TFAP2D: variants seen among roughly 807,000 people sequenced by gnomAD.
The protein encoded by TFAP2D is transcription factor AP-2 delta, also known as transcription factor AP-2-delta.
Under a neutral mutation model 43.6 loss-of-function variants are expected in TFAP2D, and 9 were observed. The ratio of observed to expected loss-of-function variants is 0.21; its 90% CI spans 0.12 to 0.36. The LOEUF is 0.36. Among genes scored for constraint, TFAP2D ranks in the 10% least tolerant of loss-of-function variants. The pLI is 1.00. For synonymous variants in TFAP2D, 256 were observed against 224.9 expected (o/e 1.14, Z -1.24); for missense variants, 513 against 561.4 (o/e 0.91, Z 0.87).
chr6:50,723,430 G>C (rs1162405318), intron 3 of TFAP2D, among the ~76,000 whole-genome samples: 1 of 152,136 alleles, frequency 6.6e-6, no homozygotes, highest in Non-Finnish European at 1.5e-5. Flanking sequence ...GGAGGAGCGT[G>C]GGAAGCCTTG....
At position 50,714,042 on chromosome 6, in the gene TFAP2D, C is replaced by T. The variant is rs1392133006; in HGVS notation, c.-14C>T. On this transcript the variant is annotated 5_prime_UTR_variant, in exon 1 of 8. Coordinates refer to ENST00000008391, the MANE Select transcript of TFAP2D (RefSeq NM_172238.4). Reference sequence around the variant, plus strand: ...AGGGGGAAATTGCATCGTAAGCTTTCGGAGAAACCCAACATGTCAACTACC... The same window carrying T: ...AGGGGGAAATTGCATCGTAAGCTTTTGGAGAAACCCAACATGTCAACTACC... 9 of 1,609,038 alleles carry T rather than the reference C, an allele frequency of 5.6e-6. No homozygotes were observed. The East Asian group carries it at 2.0e-4, about 36-fold the overall frequency.
intron 3 of TFAP2D, among the ~76,000 whole-genome samples, chr6:50,724,579 G>C (rs7740050): frequency 1.3e-5 from 2 of 152,072 alleles, no homozygotes; most frequent in Non-Finnish European, 2.9e-5. Context: ...GTTCTGAGAC[G>C]GGGGAGGCGC....
chr6:50,719,280 C>G (rs1768677369), intron 3 of TFAP2D, 130 bp downstream of exon 3: 1 of 957,304 alleles, frequency 1.0e-6, no homozygotes, highest in African/African-American at 1.6e-5. Context: ...GTCAATTATT[C>G]TAGTCCAACA....
At chr6:50,772,584 G>T in intron 7 of TFAP2D, 61 bp from the exon 8 acceptor site, 1 of 1,412,420 alleles carries the variant, frequency 7.1e-7, no homozygotes, top group East Asian at 2.3e-5. Context: ...GGAGAGATTT[G>T]CTATTTCACA....
At chr6:50,719,237 CT>C in intron 3 of TFAP2D, 87 bp downstream of exon 3, 1 of 1,347,390 alleles carries the variant, frequency 7.4e-7, no homozygotes, top group Non-Finnish European at 1.0e-6. Context: ...GCTCAGATTC[CT>C]TTTCTGATGA....
At chr6:50,728,755 T>A (rs1009476135) in intron 3 of TFAP2D, 101 bp from the exon 4 acceptor site, 1 of 1,181,994 alleles carries the variant, frequency 8.5e-7, no homozygotes, top group Non-Finnish European at 1.2e-6. Context: ...ACTGTTAGCA[T>A]GTATTCCCAA....
Position 50,722,172 on chromosome 6 carries a change from C to T in TFAP2D, c.598+3022C>T, listed in dbSNP as rs1424060537. The stretch of plus-strand genomic sequence containing the variant: ...CTAGATAAAATATTTGCCACTGCCT[C>T]GGAGGCGCAGCTCCCTGCGTGCTGA... On this transcript the variant is annotated intron_variant, in intron 3 of 7. Coordinates refer to ENST00000008391, the MANE Select transcript of TFAP2D (RefSeq NM_172238.4). Among the ~76,000 whole-genome samples the T allele has an allele frequency of 5.9e-5, 9 of 152,190 alleles. No individual in the cohort carries two copies. In the East Asian group the frequency reaches 1.7e-3, roughly 29 times the overall value.
chr6:50,751,026 G>A (rs548920969), intron 6 of TFAP2D, among the ~76,000 whole-genome samples, 185 bp from the exon 7 acceptor site: 15 of 152,056 alleles, frequency 9.9e-5, no homozygotes, highest in Admixed American at 2.6e-4. Flanking sequence ...TCCTATAGCC[G>A]TTGAGAGCAA....
In TFAP2D at chr6:50,714,073, G is replaced by A; in HGVS notation, c.18G>A (p.Pro6=). 2.5e-6 allele frequency: 4 copies of A among 1,611,598 alleles called. No individual in the cohort carries two copies. Among genetic ancestry groups the A allele is most frequent in the East Asian group, 2.2e-5 (1 of 44,832 alleles). The change falls in exon 1 of 8, where the codon CCG becomes CCA. Residue 6 remains proline (P), a synonymous_variant. Transcript: ENST00000008391. MSTTF[P]GLVHDAEIRH... The stretch of plus-strand genomic sequence containing the variant: ...AACCCAACATGTCAACTACCTTTCC[G>A]GGACTAGTCCACGATGCCGAGGTAT...
At chr6:50,729,913 C>A (rs555350483) in intron 5 of TFAP2D, among the ~76,000 whole-genome samples, 1 of 152,264 alleles carries the variant, frequency 6.6e-6, no homozygotes, top group South Asian at 2.1e-4. Flanking sequence ...TTATTTCCAA[C>A]TTACCTCTTT....
chr6:50,771,274 G>T (rs988121858), intron 7 of TFAP2D, among the ~76,000 whole-genome samples: 1 of 152,140 alleles, frequency 6.6e-6, no homozygotes, highest in Non-Finnish European at 1.5e-5. Flanking sequence ...TTTTGTCCCT[G>T]CCACCTAAGC....
At chr6:50,769,505 G>A (rs2113896597) in intron 7 of TFAP2D, among the ~76,000 whole-genome samples, 1 of 152,312 alleles carries the variant, frequency 6.6e-6, no homozygotes, top group South Asian at 2.1e-4. Flanking sequence ...ACCAGCTTAA[G>A]AGGAATCTTT....
chr6:50,714,590 T>G (rs1476029966), intron 1 of TFAP2D, among the ~76,000 whole-genome samples: 1 of 152,132 alleles, frequency 6.6e-6, no homozygotes, highest in Admixed American at 6.5e-5. Context: ...ACTGGATTTT[T>G]TAAAATATAT....
intron 5 of TFAP2D, among the ~76,000 whole-genome samples, chr6:50,733,542 C>T (rs1388906330): frequency 6.6e-6 from 1 of 152,072 alleles, no homozygotes; most frequent in Non-Finnish European, 1.5e-5. Flanking sequence ...AAACTATTCT[C>T]TCTAGAAAAC....
intron 7 of TFAP2D, among the ~76,000 whole-genome samples, chr6:50,764,788 G>A (rs1265269631): frequency 6.6e-6 from 1 of 151,856 alleles, no homozygotes; most frequent in Non-Finnish European, 1.5e-5. Context: ...GCTTTATTGA[G>A]GTATAATTGA....
intron 7 of TFAP2D, among the ~76,000 whole-genome samples, chr6:50,765,510 C>T (rs1454898278): frequency 6.6e-6 from 1 of 152,186 alleles, no homozygotes; most frequent in Non-Finnish European, 1.5e-5. Context: ...CTTTTATCTA[C>T]ACCCTCACCA....
intron 3 of TFAP2D, among the ~76,000 whole-genome samples, chr6:50,724,274 T>A (rs1768773626): frequency 6.6e-6 from 1 of 151,326 alleles, no homozygotes; most frequent in African/African-American, 2.4e-5. Context: ...TACACATTTT[T>A]AATGTGTCAG....
At chr6:50,714,937 GT>G (rs980602439) in intron 1 of TFAP2D, among the ~76,000 whole-genome samples, 178 bp from the exon 2 acceptor site, 17 of 152,122 alleles carry the variant, frequency 1.1e-4, no homozygotes, top group African/African-American at 3.6e-4. Context: ...CAGTTCGCCT[GT>G]TTGCAAAGGC....
intron 5 of TFAP2D, among the ~76,000 whole-genome samples, chr6:50,735,793 A>G (rs1042610415): frequency 1.3e-5 from 2 of 152,174 alleles, no homozygotes; most frequent in Admixed American, 6.5e-5. Flanking sequence ...TTTGTCAATG[A>G]ACTCTTTCCT....
Sources: gnomAD v4.1 joint callset for allele counts (sites outside exome capture counted in the v4.1 genomes callset) on GRCh38, gnomAD v4.1.1 for gene constraint, MANE v1.5 for transcripts, NCBI Gene and HGNC (gene_info 2026-07-23, HGNC 2026-07-21) for gene names.